The following PRKG1 variants were observed in gnomAD, a reference collection of about 807,000 sequenced individuals.
PRKG1 encodes protein kinase cGMP-dependent 1.
Under a neutral mutation model 88.1 loss-of-function variants are expected in PRKG1, and 35 were observed. The ratio of observed to expected loss-of-function variants is 0.40; its 90% confidence interval spans 0.30 to 0.53. PRKG1 has a LOEUF of 0.53. PRKG1 is among the 20% of genes least tolerant of loss of function. PRKG1 has a pLI of 0.59. For synonymous variants in PRKG1, 303 were observed against 292.5 expected (o/e 1.04, Z -0.37); for missense variants, 540 against 839.8 (o/e 0.64, Z 4.41).
At chr10:51,638,176 T>A (rs1485178385) in intron 3 of PRKG1, among the ~76,000 whole-genome samples, 1 of 152,198 alleles carries the variant, frequency 6.6e-6, no homozygotes, top group Non-Finnish European at 1.5e-5. Flanking sequence ...AGAAATCATA[T>A]GGTCTGGCTG....
chr10:52,027,330 G>A (rs1183756236), intron 5 of PRKG1, among the ~76,000 whole-genome samples: 2 of 152,178 alleles, frequency 1.3e-5, no homozygotes, highest in Admixed American at 1.3e-4. Context: ...GGTGGTGGAT[G>A]AGGGTGAGTG....
intron 5 of PRKG1, among the ~76,000 whole-genome samples, chr10:52,017,543 A>C (rs1030882210): frequency 6.6e-6 from 1 of 152,226 alleles, no homozygotes; most frequent in East Asian, 1.9e-4. Context: ...GGTGATTCCA[A>C]GGTTTTGAGG....
chr10:51,353,143 A>G (rs974648580), intron 2 of PRKG1, among the ~76,000 whole-genome samples: 9 of 152,068 alleles, frequency 5.9e-5, no homozygotes, highest in Non-Finnish European at 1.2e-4. Flanking sequence ...CAAAAATAAA[A>G]TCAAAATAGA....
chr10:51,032,373 C>T (rs1409379413), intron 1 of PRKG1, among the ~76,000 whole-genome samples: 1 of 151,060 alleles, frequency 6.6e-6, no homozygotes, highest in African/African-American at 2.4e-5. Flanking sequence ...TTTTTTTGCC[C>T]TTGTCGATTT....
intron 3 of PRKG1, among the ~76,000 whole-genome samples, chr10:51,623,748 G>A (rs1042539663): frequency 6.6e-6 from 1 of 152,088 alleles, no homozygotes; most frequent in African/African-American, 2.4e-5. Context: ...TTGATTCTCA[G>A]GAACGCATCT....
At chr10:51,485,209 A>C (rs994902751) in intron 3 of PRKG1, among the ~76,000 whole-genome samples, 2 of 152,198 alleles carry the variant, frequency 1.3e-5, no homozygotes, top group African/African-American at 4.8e-5. Context: ...AAGAGTATGC[A>C]GTGTCCTGGT....
At chr10:51,149,459 A>C (rs1217600341) in intron 1 of PRKG1, among the ~76,000 whole-genome samples, 2 of 152,114 alleles carry the variant, frequency 1.3e-5, no homozygotes, top group African/African-American at 4.8e-5. Context: ...AATTTCTGTC[A>C]AGTATTTTTT....
At chr10:52,084,856 A>C (rs1846871843) in intron 7 of PRKG1, among the ~76,000 whole-genome samples, 1 of 151,970 alleles carries the variant, frequency 6.6e-6, no homozygotes, top group Non-Finnish European at 1.5e-5. Context: ...TATTATATTC[A>C]GATGTTATGT....
chr10:52,156,667 C>A (rs1838112141), intron 8 of PRKG1, among the ~76,000 whole-genome samples: 1 of 151,514 alleles, frequency 6.6e-6, no homozygotes, highest in Admixed American at 6.6e-5. Flanking sequence ...TATGATTGTC[C>A]CGTTATAAAT....
chr10:51,753,525 C>A (rs1837781239), intron 3 of PRKG1, among the ~76,000 whole-genome samples: 1 of 152,036 alleles, frequency 6.6e-6, no homozygotes. Context: ...TCTCGCAATA[C>A]AATTAGTTTT....
At chr10:51,659,168 A>G (rs1840234416) in intron 3 of PRKG1, among the ~76,000 whole-genome samples, 1 of 152,162 alleles carries the variant, frequency 6.6e-6, no homozygotes, top group African/African-American at 2.4e-5. Flanking sequence ...TAATTCAAGT[A>G]TTCTTAGGGA....
At chr10:51,790,668 C>T (rs1015073344) in intron 3 of PRKG1, among the ~76,000 whole-genome samples, 6 of 152,154 alleles carry the variant, frequency 3.9e-5, no homozygotes, top group African/African-American at 1.2e-4. Flanking sequence ...TTAAAGTCAA[C>T]ACGTGGTATC....
At chr10:51,503,765 T>A (rs999272424) in intron 3 of PRKG1, among the ~76,000 whole-genome samples, 2 of 152,170 alleles carry the variant, frequency 1.3e-5, no homozygotes, top group African/African-American at 4.8e-5. Flanking sequence ...AGCTTTATTT[T>A]TCTTTACAGT....
chr10:51,500,960 G>A (rs1163834495), intron 3 of PRKG1, among the ~76,000 whole-genome samples: 1 of 152,042 alleles, frequency 6.6e-6, no homozygotes, highest in Non-Finnish European at 1.5e-5. Flanking sequence ...TATTTTAGTG[G>A]CAAAAAAGAC....
chr10:51,554,663 C>T (rs2132136079), intron 3 of PRKG1, among the ~76,000 whole-genome samples: 1 of 147,226 alleles, frequency 6.8e-6, no homozygotes, highest in Middle Eastern at 3.5e-3. Flanking sequence ...CCTTGTGTTT[C>T]TCCCTCTATT....
At chr10:51,556,764 G>T (rs1039320742) in intron 3 of PRKG1, among the ~76,000 whole-genome samples, 6 of 152,008 alleles carry the variant, frequency 3.9e-5, no homozygotes, top group African/African-American at 1.4e-4. Context: ...AAAACTGCCT[G>T]TTGGGTACTA....
intron 4 of PRKG1, among the ~76,000 whole-genome samples, chr10:51,850,144 C>T (rs1007549512): frequency 2.0e-5 from 3 of 152,140 alleles, no homozygotes; most frequent in Non-Finnish European, 4.4e-5. Context: ...ACTTGTACCC[C>T]AAAGTTTATT....
intron 2 of PRKG1, among the ~76,000 whole-genome samples, chr10:51,337,360 T>A (rs939293884): frequency 2.6e-5 from 4 of 152,138 alleles, no homozygotes; most frequent in African/African-American, 9.7e-5. Flanking sequence ...GGCAGAAACT[T>A]CATGATGAAA....
chr10:51,850,171 C>G (rs1481398426), intron 4 of PRKG1, among the ~76,000 whole-genome samples: 1 of 152,140 alleles, frequency 6.6e-6, no homozygotes, highest in East Asian at 1.9e-4. Context: ...AATTTGACCA[C>G]TTTCCAATAT....
Sources: allele counts gnomAD v4.1 joint callset (sites outside exome capture counted in the v4.1 genomes callset), GRCh38; gene constraint gnomAD v4.1.1; transcripts MANE v1.5; gene names NCBI Gene and HGNC (gene_info 2026-07-23, HGNC 2026-07-21).